PCCA: variants seen among roughly 807,000 people sequenced by gnomAD.
PCCA encodes propionyl-CoA carboxylase subunit alpha.
A neutral mutation model predicts 101.3 loss-of-function variants in PCCA; 74 were observed. That is an observed-to-expected ratio of 0.73 (90% CI 0.61 to 0.89). The LOEUF (loss-of-function observed/expected upper bound fraction) is 0.89, where lower values mean the gene tolerates loss of function less well. Ranked by LOEUF, PCCA falls within the 40% of genes least tolerant of loss-of-function variation. The pLI is 0.00. For synonymous variants in PCCA, 294 were observed against 313.6 expected (o/e 0.94, Z 0.66); for missense variants, 891 against 907.0 (o/e 0.98, Z 0.23).
At chr13:100,204,913 C>A (rs1422088287) in intron 6 of PCCA, among the ~76,000 whole-genome samples, 1 of 152,070 alleles carries the variant, frequency 6.6e-6, no homozygotes, top group African/African-American at 2.4e-5. Context: ...CCTGGCTCAG[C>A]CTTCCAAGTA....
At chr13:100,209,484 T>C in intron 7 of PCCA, 21 bp downstream of exon 7, 1 of 1,599,138 alleles carries the variant, frequency 6.3e-7, no homozygotes. Flanking sequence ...ACTTTAACTT[T>C]TATTGTATAT....
At chr13:100,365,094 T>C (rs1461610048) in intron 18 of PCCA, among the ~76,000 whole-genome samples, 1 of 151,936 alleles carries the variant, frequency 6.6e-6, no homozygotes, top group Non-Finnish European at 1.5e-5. Context: ...ACTGCAGGAG[T>C]TAAGTTTGTA....
At chr13:100,146,408 C>G (rs940378496) in intron 4 of PCCA, among the ~76,000 whole-genome samples, 1 of 151,800 alleles carries the variant, frequency 6.6e-6, no homozygotes, top group Admixed American at 6.6e-5. Context: ...AACCCCGTCT[C>G]CACTAAAACT....
intron 22 of PCCA, 81 bp from the exon 23 acceptor site, chr13:100,527,590 CAAAG>C: frequency 2.2e-6 from 2 of 916,802 alleles, no homozygotes; most frequent in South Asian, 2.6e-5. Flanking sequence ...GGGCATTTGA[CAAAG>C]AATTTCTTAA....
In PCCA at chr13:100,451,989, TTCTCCCTCTCTCTCTCC is replaced by T. The variant is rs1164862802; in HGVS notation, c.1899+2697_1899+2713del. Among the ~76,000 whole-genome samples, 19 of 2,024 alleles carry T rather than the reference TTCTCCCTCTCTCTCTCC, an allele frequency of 9.4e-3. 1 individual carries two copies. The highest frequency in any genetic ancestry group is 0.042 in the African/African-American group (17 of 404). The allele number at this position is 2,024 out of a possible 152,430, so 1.3% of individuals were successfully genotyped here. A position where few individuals can be genotyped will look rare whatever the true frequency, so the allele number is the denominator to read the frequency against. ...TCTCTCTCCTCTCCCTCTCTCTCTTTTCTCCCTCTCTCTCTCCTCTCCCTCTCTCCCTCCTCTCCCTC... is the reference window on the plus strand; with the variant it reads ...TCTCTCTCCTCTCCCTCTCTCTCTTTTCTCCCTCTCTCCCTCCTCTCCCTC... On this transcript the variant is annotated intron_variant, in intron 21 of 23. Transcript: ENST00000376285.
Position 100,374,499 on chromosome 13 carries a change from G to A in PCCA, c.1746+5925G>A, listed in dbSNP as rs532187330. On this transcript the variant is annotated intron_variant, in intron 19 of 23. Coordinates refer to ENST00000376285, the MANE Select transcript of PCCA (RefSeq NM_000282.4). ...AGTTTTTGGCCAGGTACAGTGGTGC[G>A]CACCTATAGTCCATCCACTCAGGAG... Among the ~76,000 whole-genome samples, 38 of 152,108 alleles carry A rather than the reference G, an allele frequency of 2.5e-4. 2 individuals carry two copies. The South Asian group carries it at 4.2e-3, about 17-fold the overall frequency.
chr13:100,298,696 T>G (rs976758605), intron 12 of PCCA, among the ~76,000 whole-genome samples: 619 of 56,994 alleles, frequency 0.011, 88 homozygotes, highest in Non-Finnish European at 0.016. Flanking sequence ...CCTTCCTTCC[T>G]TCCTTCCTTC....
chr13:100,268,967 A>T (rs1411300502), intron 11 of PCCA, among the ~76,000 whole-genome samples, 184 bp downstream of exon 11: 2 of 152,186 alleles, frequency 1.3e-5, no homozygotes, highest in Admixed American at 6.5e-5. Flanking sequence ...CTCCCAACTC[A>T]GCCTCCCACG....
intron 21 of PCCA, among the ~76,000 whole-genome samples, chr13:100,468,345 G>C (rs2082700788): frequency 6.6e-6 from 1 of 152,194 alleles, no homozygotes; most frequent in African/African-American, 2.4e-5. Flanking sequence ...CTTAGCAAGA[G>C]AGTTGGCCTG....
intron 19 of PCCA, among the ~76,000 whole-genome samples, chr13:100,406,383 A>T (rs566054684): frequency 1.3e-5 from 2 of 152,334 alleles, no homozygotes; most frequent in East Asian, 3.9e-4. Context: ...AGTAGTGTAT[A>T]CCTTACTTAA....
chr13:100,359,949 T>A (rs1395476688), intron 18 of PCCA, among the ~76,000 whole-genome samples: 2 of 152,198 alleles, frequency 1.3e-5, no homozygotes, highest in African/African-American at 2.4e-5. Context: ...ATTGGCACAT[T>A]GATTTTGAAA....
At chr13:100,325,906 T>A (rs1566937922) in intron 16 of PCCA, among the ~76,000 whole-genome samples, 3 of 152,074 alleles carry the variant, frequency 2.0e-5, no homozygotes, top group Non-Finnish European at 4.4e-5. Context: ...ACATCGAAGG[T>A]GTCGAAGTGG....
At chr13:100,136,100 T>C (rs180874182) in intron 4 of PCCA, among the ~76,000 whole-genome samples, 1 of 152,164 alleles carries the variant, frequency 6.6e-6, no homozygotes, top group Admixed American at 6.5e-5. Context: ...TCTTTTTGTG[T>C]ACTGTCTTTG....
Position 100,340,208 on chromosome 13 carries a change from C to CA in PCCA, c.1593dup (p.Leu532IlefsTer22). ...AACCAGTTATTGGCAATAGCATCAT[C>CA]ATTGTTTGTGGCATTCCAGTTAAGA... is the stretch of plus-strand genomic sequence containing the variant. On this transcript the variant is annotated frameshift_variant, in exon 18 of 24. Coordinates refer to ENST00000376285, the MANE Select transcript of PCCA (RefSeq NM_000282.4). LOFTEE classifies it high-confidence loss of function. 6.2e-7 allele frequency: 1 copy of CA among 1,611,836 alleles called. No homozygotes were observed.
At chr13:100,456,976 T>G (rs2081785420) in intron 21 of PCCA, among the ~76,000 whole-genome samples, 1 of 152,032 alleles carries the variant, frequency 6.6e-6, no homozygotes, top group Non-Finnish European at 1.5e-5. Flanking sequence ...AAGTAATGGG[T>G]GTCTTCGCAG....
chr13:100,367,835 G>A (rs1323435625), intron 18 of PCCA, among the ~76,000 whole-genome samples: 1 of 151,710 alleles, frequency 6.6e-6, no homozygotes, highest in East Asian at 1.9e-4. Flanking sequence ...GTGGGCGCCT[G>A]TAATCCCAGC....
At chr13:100,205,480 G>A (rs1383095587) in intron 6 of PCCA, among the ~76,000 whole-genome samples, 1 of 149,290 alleles carries the variant, frequency 6.7e-6, no homozygotes, top group Admixed American at 6.7e-5. Context: ...CATACTACTG[G>A]CTATTTTTCT....
At chr13:100,423,730 GT>G (rs2152891533) in intron 19 of PCCA, among the ~76,000 whole-genome samples, 1 of 152,322 alleles carries the variant, frequency 6.6e-6, no homozygotes, top group South Asian at 2.1e-4. Context: ...GCCTCTGTTG[GT>G]TTAAACAGTC....
At chr13:100,302,566 A>G (rs1420476178) in intron 13 of PCCA, among the ~76,000 whole-genome samples, 1 of 152,162 alleles carries the variant, frequency 6.6e-6, no homozygotes, top group Non-Finnish European at 1.5e-5. Flanking sequence ...AAGAAAAACA[A>G]ATATCTTTAG....
Sources: allele counts gnomAD v4.1 joint callset (sites outside exome capture counted in the v4.1 genomes callset), GRCh38; gene constraint gnomAD v4.1.1; transcripts MANE v1.5; gene names NCBI Gene and HGNC (gene_info 2026-07-23, HGNC 2026-07-21).